The following FAIM variants were observed in gnomAD, a reference collection of about 807,000 sequenced individuals.
FAIM encodes fas apoptotic inhibitory molecule 1.
FAIM carries 14 observed loss-of-function variants against 21.2 expected under a neutral mutation model. The ratio of observed to expected loss-of-function variants is 0.66; its 90% CI spans 0.44 to 1.03. The LOEUF (loss-of-function observed/expected upper bound fraction) is 1.03, where lower values mean the gene tolerates loss of function less well. FAIM is among the 50% of genes least tolerant of loss of function. FAIM has a pLI of 0.00. For synonymous variants in FAIM, 86 were observed against 80.4 expected (o/e 1.07, Z -0.37); for missense variants, 222 against 247.1 (o/e 0.90, Z 0.68).
intron 5 of FAIM, chr3:138,631,113 C>T (rs1041749229): frequency 4.8e-5 from 7 of 146,286 alleles, no homozygotes; most frequent in African/African-American, 7.7e-5. Flanking sequence ...ACTCCAGCCT[C>T]GGTAACAGAA....
chr3:138,617,379 G>A (rs1284181447), intron 1 of FAIM, among the ~76,000 whole-genome samples: 6 of 146,910 alleles, frequency 4.1e-5, no homozygotes, highest in Admixed American at 3.4e-4. Context: ...TATATTATAT[G>A]TATGTATAAT....
chr3:138,628,696 G>A (rs534411135), intron 4 of FAIM, among the ~76,000 whole-genome samples: 17 of 152,010 alleles, frequency 1.1e-4, no homozygotes, highest in African/African-American at 3.6e-4. Flanking sequence ...TATTAGCCAG[G>A]ATGGTCTCGA....
chr3:138,615,648 A>G (rs570351626), intron 1 of FAIM, among the ~76,000 whole-genome samples: 2 of 152,270 alleles, frequency 1.3e-5, no homozygotes, highest in East Asian at 3.9e-4. Context: ...ACTAGTGGGC[A>G]TATTTTTACG....
At chr3:138,622,113 C>T (rs2042893539) in intron 3 of FAIM, 75 bp from the exon 4 acceptor site, 4 of 1,215,356 alleles carry the variant, frequency 3.3e-6, no homozygotes, top group African/African-American at 1.5e-5. Context: ...TGCCTTTGTT[C>T]ACTTTACGTT....
chr3:138,619,269 T>C (rs924355200), intron 1 of FAIM, among the ~76,000 whole-genome samples: 13 of 152,216 alleles, frequency 8.5e-5, no homozygotes, highest in South Asian at 2.1e-4. Context: ...CACTTTAACA[T>C]TGATGCTCCC....
intron 1 of FAIM, among the ~76,000 whole-genome samples, chr3:138,613,832 T>G (rs556544209): frequency 6.6e-6 from 1 of 152,316 alleles, no homozygotes; most frequent in Admixed American, 6.5e-5. Context: ...TTTCTTTTGC[T>G]GCTATCCTTT....
At chr3:138,613,077 T>C (rs1287015920) in intron 1 of FAIM, among the ~76,000 whole-genome samples, 1 of 151,368 alleles carries the variant, frequency 6.6e-6, no homozygotes, top group Non-Finnish European at 1.5e-5. Flanking sequence ...TGCAATGGCA[T>C]GATCTTGGTT....
intron 1 of FAIM, among the ~76,000 whole-genome samples, chr3:138,612,096 A>AT (rs138371254): frequency 0.061 from 6,107 of 100,770 alleles, 730 homozygotes; most frequent in African/African-American, 0.21. Flanking sequence ...TTGTCTGGCT[A>AT]TTTTTTTTTT....
intron 1 of FAIM, among the ~76,000 whole-genome samples, chr3:138,617,300 C>A (rs200275859): frequency 1.3e-5 from 2 of 150,188 alleles, no homozygotes; most frequent in East Asian, 3.9e-4. Context: ...TGAATAGCAC[C>A]CCTAAATACA....
At chr3:138,629,256 C>T (rs2042976689) in intron 5 of FAIM, 100 bp downstream of exon 5, 4 of 989,492 alleles carry the variant, frequency 4.0e-6, no homozygotes, top group Admixed American at 2.4e-5. Context: ...TGAATCAAGG[C>T]CCTCTTGATA....
chr3:138,622,367 C>T lies in FAIM; in HGVS notation c.357C>T (p.Thr119=). 1.2e-6 allele frequency: 2 copies of T among 1,612,294 alleles called. No homozygotes were observed. The highest frequency in any genetic ancestry group is 1.1e-5 in the South Asian group (1 of 90,704). ...KKYMEDRSKT[T]NTWVLHMDGE... ...ATATGGAGGACAGATCAAAAACCAC[C>T]AATACTTGGGTATTACACATGGATG... Residue 119 remains threonine, a synonymous_variant, in exon 4 of 6, where the codon ACC becomes ACT. Coordinates refer to ENST00000360570, the MANE Select transcript of FAIM (RefSeq NM_001033031.2).
intron 1 of FAIM, among the ~76,000 whole-genome samples, chr3:138,612,218 G>C (rs923564714): frequency 6.7e-6 from 1 of 150,290 alleles, no homozygotes; most frequent in Admixed American, 6.7e-5. Context: ...CTCCTGCCTC[G>C]GCCTCTTGAG....
Position 138,622,329 on chromosome 3 carries a change from A to T in FAIM, c.319A>T (p.Ser107Cys). ...YEYTLEINGK[S>C]LKKYMEDRSK... ...ATATACTCTGGAAATTAATGGGAAA[A>T]GTCTCAAGAAGTATATGGAGGACAG... Residue 107 changes from serine (S) to cysteine (C), a missense_variant, in exon 4 of 6, where the codon AGT becomes TGT. Transcript: ENST00000360570. The T allele has an allele frequency of 6.2e-7, 1 of 1,614,026 alleles. No individual in the cohort carries two copies. The highest frequency in any genetic ancestry group is 8.5e-7 in the Non-Finnish European group (1 of 1,179,972).
At chr3:138,627,955 C>T (rs2042957287) in intron 4 of FAIM, among the ~76,000 whole-genome samples, 1 of 152,178 alleles carries the variant, frequency 6.6e-6, no homozygotes, top group African/African-American at 2.4e-5. Context: ...TCCTTGTGCA[C>T]ATACAGGCCA....
chr3:138,621,772 A>G (rs939655422), intron 3 of FAIM, among the ~76,000 whole-genome samples: 2 of 152,130 alleles, frequency 1.3e-5, no homozygotes, highest in Non-Finnish European at 2.9e-5. Flanking sequence ...TAAATTAATA[A>G]AATTACATCT....
chr3:138,622,809 C>T (rs1005488144), intron 4 of FAIM, among the ~76,000 whole-genome samples: 7 of 152,000 alleles, frequency 4.6e-5, no homozygotes, highest in African/African-American at 1.7e-4. Flanking sequence ...TAGGCTGAGG[C>T]GGGTGGATCA....
chr3:138,616,694 ACC>A (rs2042828696), intron 1 of FAIM, among the ~76,000 whole-genome samples: 1 of 152,202 alleles, frequency 6.6e-6, no homozygotes, highest in Non-Finnish European at 1.5e-5. Context: ...ATAATTATTA[ACC>A]ATTTATAAAA....
Position 138,610,795 on chromosome 3 carries a change from C to T in FAIM, c.-17+1858C>T. The T allele has an allele frequency of 1.7e-6, 1 of 604,450 alleles. No homozygotes were observed. Among genetic ancestry groups the T allele is most frequent in the Middle Eastern group, 3.3e-4 (1 of 3,034 alleles). 37.4% of individuals were successfully genotyped at this position (604,450 alleles called of 1,614,324 possible). The stretch of plus-strand genomic sequence containing the variant: ...ACAGGATTTCACCGTTTTGTCCAGG[C>T]TGGTCTTGAACTATTGACCTCAAGT... On this transcript the variant is annotated intron_variant, in intron 1 of 5. Coordinates refer to ENST00000360570, the MANE Select transcript of FAIM (RefSeq NM_001033031.2).
rs1027478923 is a variant in FAIM at position 138,619,598 on chromosome 3, A to G, written c.-16-113A>G. On this transcript the variant is annotated intron_variant, in intron 1 of 5. Transcript: ENST00000360570. ...TTCATCTGAAACTCCATGTAATTTA[A>G]TAAATGGATTGCAAAATTAGAAAAA... is the stretch of plus-strand genomic sequence containing the variant. The G allele has an allele frequency of 6.8e-5, 57 of 841,670 alleles. No individual in the cohort carries two copies. The African/African-American group carries it at 9.0e-4, about 13-fold the overall frequency. 52.1% of individuals were successfully genotyped at this position (841,670 alleles called of 1,614,324 possible).
Sources: gnomAD v4.1 joint callset for allele counts (sites outside exome capture counted in the v4.1 genomes callset) on GRCh38, gnomAD v4.1.1 for gene constraint, MANE v1.5 for transcripts, NCBI Gene and HGNC (gene_info 2026-07-23, HGNC 2026-07-21) for gene names.